The following MDM4 variants were observed in gnomAD, a reference collection of about 807,000 sequenced individuals.
MDM4 encodes MDM4 regulator of p53.
In MDM4, 2 loss-of-function variants were observed where a neutral mutation model predicts 60.2. The ratio of observed to expected loss-of-function variants is 0.03; its 90% CI spans 0.01 to 0.10. The LOEUF is 0.10. MDM4 is among the 10% of genes least tolerant of loss of function. The pLI is 1.00. For missense variants in MDM4, 447 were observed against 577.5 expected (o/e 0.77, Z 2.32); for synonymous variants, 202 against 198.1 (o/e 1.02, Z -0.17).
In MDM4 at chr1:204,550,183, G is replaced by A. The variant is rs1024262135; in HGVS notation, c.*501G>A. 1 of 234,180 alleles carries A rather than the reference G, an allele frequency of 4.3e-6. No individual in the cohort carries two copies. The allele number at this position is 234,180 out of a possible 1,614,324, so 14.5% of individuals were successfully genotyped here. On this transcript the variant is annotated 3_prime_UTR_variant, in exon 11 of 11. Transcript: ENST00000367182. ...TCCGGGGGTATAGGGGAGGTGTGGGGCGACAGGGTCTGTCTTGTTCTGTCT... is the reference window on the plus strand; with the variant it reads ...TCCGGGGGTATAGGGGAGGTGTGGGACGACAGGGTCTGTCTTGTTCTGTCT...
chr1:204,531,342 A>G (rs187766812), intron 4 of MDM4, among the ~76,000 whole-genome samples: 1 of 152,296 alleles, frequency 6.6e-6, no homozygotes, highest in Non-Finnish European at 1.5e-5. Context: ...GAAATGTAGA[A>G]TTGCTGGGCA....
chr1:204,532,833 T>C lies in MDM4; in HGVS notation c.343+587T>C, dbSNP rs565826094. ...AGTTGGCAGATTGTATCCTTGTGATTTTGTTTAATGTGTTTCTTTACCCTC... is the reference window on the plus strand; with the variant it reads ...AGTTGGCAGATTGTATCCTTGTGATCTTGTTTAATGTGTTTCTTTACCCTC... On this transcript the variant is annotated intron_variant, in intron 5 of 10. Transcript: ENST00000367182. 11 of 1,610,890 alleles carry C rather than the reference T, an allele frequency of 6.8e-6. No homozygotes were observed. In the South Asian group the frequency reaches 1.2e-4, roughly 18 times the overall value.
intron 9 of MDM4, among the ~76,000 whole-genome samples, chr1:204,545,094 G>A (rs1382620682): frequency 6.6e-6 from 1 of 152,052 alleles, no homozygotes. Flanking sequence ...TAGCTCATCA[G>A]TTATCATTAG....
Position 204,538,236 on chromosome 1 carries a change from A to G in MDM4, c.439A>G (p.Arg147Gly), listed in dbSNP as rs1317149366. The G allele has an allele frequency of 2.5e-6, 4 of 1,610,482 alleles. No homozygotes were observed. Among genetic ancestry groups the G allele is most frequent in the South Asian group, 2.2e-5 (2 of 91,016 alleles). The change falls in exon 7 of 11, where the codon AGA (arginine) becomes GGA (glycine). Residue 147 changes from arginine to glycine, a missense_variant. Physicochemically the swap from Arg to Gly is moderately radical, Grantham distance 125. Transcript: ENST00000367182. ...KQSAEESSTS[R>G]KRTTEDDIPT... Reference sequence around the variant, plus strand: ...AAGTGCAGAGGAAAGTTCCACTTCCAGAAAAAGAACTACAGAAGACGATAT... The same window carrying G: ...AAGTGCAGAGGAAAGTTCCACTTCCGGAAAAAGAACTACAGAAGACGATAT...
intron 1 of MDM4, among the ~76,000 whole-genome samples, chr1:204,522,805 A>T (rs1292192392): frequency 1.3e-5 from 2 of 151,766 alleles, no homozygotes; most frequent in Non-Finnish European, 2.9e-5. Context: ...TACAGCTATA[A>T]GCCTTTTCAG....
At chr1:204,522,521 C>T (rs1020732450) in intron 1 of MDM4, among the ~76,000 whole-genome samples, 1 of 151,896 alleles carries the variant, frequency 6.6e-6, no homozygotes, top group Non-Finnish European at 1.5e-5. Flanking sequence ...TCTCAGCCTC[C>T]CGAGTAGTTG....
At chr1:204,520,265 G>C (rs1229163671) in intron 1 of MDM4, among the ~76,000 whole-genome samples, 1 of 136,772 alleles carries the variant, frequency 7.3e-6, no homozygotes, top group East Asian at 2.2e-4. Context: ...GCGACAGAGC[G>C]AGACTCCATC....
intron 5 of MDM4, among the ~76,000 whole-genome samples, chr1:204,533,397 C>T (rs1441274773): frequency 3.1e-5 from 2 of 65,382 alleles, no homozygotes; most frequent in African/African-American, 1.4e-4. Flanking sequence ...TCTCAGGTTG[C>T]CCAGGCTGGA....
At chr1:204,528,883 A>T in intron 3 of MDM4, 4 of 1,593,320 alleles carry the variant, frequency 2.5e-6, no homozygotes, top group Non-Finnish European at 3.4e-6. Flanking sequence ...ACGTCCTTGA[A>T]GCTGAGCCGA....
rs778187830 is a variant in MDM4, at chr1:204,544,527, T to C, written c.673-8T>C. On this transcript the variant is annotated splice_polypyrimidine_tract_variant and splice_region_variant and intron_variant, in intron 8 of 10. Coordinates refer to ENST00000367182, the MANE Select transcript of MDM4 (RefSeq NM_002393.5). ...TACAGAAACTCATGTTTGTTTTTTT[T>C]CTGTTAGGATGTGGGTACTGCCATT... 7.5e-6 allele frequency: 12 copies of C among 1,592,308 alleles called. No individual in the cohort carries two copies. Among genetic ancestry groups the C allele is most frequent in the Non-Finnish European group, 1.0e-5 (12 of 1,166,468 alleles).
At chr1:204,534,056 G>A (rs1254237085) in intron 5 of MDM4, among the ~76,000 whole-genome samples, 1 of 152,050 alleles carries the variant, frequency 6.6e-6, no homozygotes, top group Non-Finnish European at 1.5e-5. Context: ...GAGGTGTTGG[G>A]ATTACAGGCA....
intron 8 of MDM4, 36 bp from the exon 9 acceptor site, chr1:204,544,499 G>A: frequency 1.3e-6 from 2 of 1,582,886 alleles, no homozygotes; most frequent in Non-Finnish European, 8.6e-7. Context: ...ATAAACCTCT[G>A]AATACAGAAA....
chr1:204,525,245 G>C (rs570075089), intron 1 of MDM4: 48 of 778,062 alleles, frequency 6.2e-5, no homozygotes, highest in Non-Finnish European at 7.2e-5. Flanking sequence ...GCCTGAAACT[G>C]TTACTGTTTC....
At chr1:204,547,777 G>A (rs1463301881) in intron 10 of MDM4, among the ~76,000 whole-genome samples, 1 of 152,254 alleles carries the variant, frequency 6.6e-6, no homozygotes, top group East Asian at 1.9e-4. Flanking sequence ...AGGTTGGAAT[G>A]CAATGGCATA....
In MDM4 at chr1:204,557,441, C is replaced by T. The variant is rs559247450; in HGVS notation, c.*7759C>T. On this transcript the variant is annotated 3_prime_UTR_variant, in exon 11 of 11. Coordinates refer to ENST00000367182, the MANE Select transcript of MDM4 (RefSeq NM_002393.5). ...TTTTTGAGACAGAGTCTTACTCTGT[C>T]ACCCAGGCTGGAATGCAGTGGCGCA... 7 of 177,202 alleles carry T rather than the reference C, an allele frequency of 4.0e-5. No homozygotes were observed. In the East Asian group the frequency reaches 6.7e-4, roughly 17 times the overall value. 11.0% of individuals were successfully genotyped at this position (177,202 alleles called of 1,614,324 possible).
intron 9 of MDM4, among the ~76,000 whole-genome samples, chr1:204,546,128 C>T (rs994834343): frequency 2.0e-5 from 3 of 152,102 alleles, no homozygotes; most frequent in Non-Finnish European, 4.4e-5. Context: ...TTGTTTCATT[C>T]TTCCTGTCTG....
At chr1:204,548,809 G>A (rs1223462660) in intron 10 of MDM4, among the ~76,000 whole-genome samples, 1 of 152,030 alleles carries the variant, frequency 6.6e-6, no homozygotes, top group African/African-American at 2.4e-5. Context: ...CTCCAAAGAA[G>A]CCCATAAGGT....
At chr1:204,547,197 C>T (rs960624044) in intron 10 of MDM4, among the ~76,000 whole-genome samples, 2 of 152,214 alleles carry the variant, frequency 1.3e-5, no homozygotes, top group African/African-American at 4.8e-5. Flanking sequence ...TTCCCTGACT[C>T]AACACCTCTC....
rs1305327622 is a variant in MDM4 at position 204,555,901 on chromosome 1, C to G, written c.*6219C>G. Reference sequence around the variant, plus strand: ...TATCATTATAACATCTTATTAGAGCCCCTAATTTCTTATCTGAAGGCACTG... The same window carrying G: ...TATCATTATAACATCTTATTAGAGCGCCTAATTTCTTATCTGAAGGCACTG... On this transcript the variant is annotated 3_prime_UTR_variant, in exon 11 of 11. Coordinates refer to ENST00000367182, the MANE Select transcript of MDM4 (RefSeq NM_002393.5). The G allele has an allele frequency of 5.3e-6, 1 of 188,734 alleles. No individual in the cohort carries two copies. The highest frequency in any genetic ancestry group is 1.1e-5 in the Non-Finnish European group (1 of 91,746). The allele number at this position is 188,734 out of a possible 1,614,324, so 11.7% of individuals were successfully genotyped here.
Sources: gnomAD v4.1 joint callset for allele counts (sites outside exome capture counted in the v4.1 genomes callset) on GRCh38, gnomAD v4.1.1 for gene constraint, MANE v1.5 for transcripts, NCBI Gene and HGNC (gene_info 2026-07-23, HGNC 2026-07-21) for gene names.